The following OR5H1 variants were observed in gnomAD, a reference collection of about 807,000 sequenced individuals.
The protein encoded by OR5H1 is olfactory receptor family 5 subfamily H member 1, also known as olfactory receptor 5H1.
For synonymous variants in OR5H1, 124 were observed against 134.4 expected (o/e 0.92, Z 0.54); for missense variants, 378 against 366.8 (o/e 1.03, Z -0.25).
chr3:98,131,952 G>A (rs146329495), intron 1 of OR5H1, among the ~76,000 whole-genome samples: 3 of 151,998 alleles, frequency 2.0e-5, no homozygotes, highest in African/African-American at 4.8e-5. Context: ...CTATTTCTTT[G>A]TCTTACTGTC....
chr3:98,136,323 T>G lies in OR5H1; in HGVS notation c.*2684T>G, dbSNP rs1282841999. The stretch of plus-strand genomic sequence containing the variant: ...AAGAAGGCCTCATTACGACCTTTAC[T>G]AAATAATCTCCGATTAGACTTTAAA... On this transcript the variant is annotated 3_prime_UTR_variant, in exon 2 of 2. Coordinates refer to ENST00000641874, the MANE Select transcript of OR5H1 (RefSeq NM_001005338.2). 1 of 152,198 alleles carries G rather than the reference T, an allele frequency of 6.6e-6. No individual in the cohort carries two copies. The highest frequency in any genetic ancestry group is 1.5e-5 in the Non-Finnish European group (1 of 68,032). The allele number at this position is 152,198 out of a possible 1,614,324, so 9.4% of individuals were successfully genotyped here.
rs769749227 is a variant in OR5H1 at position 98,133,286 on chromosome 3, C to G, written c.589C>G (p.Leu197Val). 17 of 1,611,606 alleles carry G rather than the reference C, an allele frequency of 1.1e-5. No individual in the cohort carries two copies. Among genetic ancestry groups the G allele is most frequent in the Non-Finnish European group, 1.3e-5 (15 of 1,178,522 alleles). Residue 197 changes from leucine to valine, a missense_variant, in exon 2 of 2, where the codon CTA becomes GTA. Coordinates refer to ENST00000641874, the MANE Select transcript of OR5H1 (RefSeq NM_001005338.2). ...ISCTDSSINF[L>V]MVFIFSGSIQ... ...TTGTACTGATTCTTCTATTAATTTT[C>G]TAATGGTTTTTATTTTCTCAGGTTC...
chr3:98,131,433 C>T (rs1429341650), intron 1 of OR5H1, among the ~76,000 whole-genome samples: 1 of 151,462 alleles, frequency 6.6e-6, no homozygotes, highest in Non-Finnish European at 1.5e-5. Flanking sequence ...ATTTAATTGG[C>T]CATCCTAGAT....
chr3:98,134,786 C>T lies in OR5H1; in HGVS notation c.*1147C>T, dbSNP rs1004568886. 3 of 152,044 alleles carry T rather than the reference C, an allele frequency of 2.0e-5. No homozygotes were observed. Among genetic ancestry groups the T allele is most frequent in the African/African-American group, 7.2e-5 (3 of 41,440 alleles). The allele number at this position is 152,044 out of a possible 1,614,324, so 9.4% of individuals were successfully genotyped here. On this transcript the variant is annotated 3_prime_UTR_variant, in exon 2 of 2. Coordinates refer to ENST00000641874, the MANE Select transcript of OR5H1 (RefSeq NM_001005338.2). ...ACTATTGAGGTCCCTAGCATAAAAA[C>T]TACTCACATGTAGTTTTGCAAACCT... is the stretch of plus-strand genomic sequence containing the variant.
chr3:98,135,353 T>G lies in OR5H1; in HGVS notation c.*1714T>G, dbSNP rs1708305959. On this transcript the variant is annotated 3_prime_UTR_variant, in exon 2 of 2. Coordinates refer to ENST00000641874, the MANE Select transcript of OR5H1 (RefSeq NM_001005338.2). ...TACCATTTACAATGAGTTGGATTCC[T>G]GTTTGCTTAGGTACAAACCCACTTT... The G allele has an allele frequency of 6.6e-6, 1 of 152,208 alleles. No individual in the cohort carries two copies. Among genetic ancestry groups the G allele is most frequent in the African/African-American group, 2.4e-5 (1 of 41,470 alleles). 9.4% of individuals were successfully genotyped at this position (152,208 alleles called of 1,614,324 possible).
chr3:98,132,901 T>A lies in OR5H1; in HGVS notation c.204T>A (p.Phe68Leu). ...PMYLLLGNLAFVDAWISSTVT... is the reference protein window; with the variant it reads ...PMYLLLGNLALVDAWISSTVT... ...ACTTACTCCTTGGGAATTTAGCTTT[T>A]GTGGATGCTTGGATATCATCCACAG... Residue 68 changes from phenylalanine (F) to leucine (L), a missense_variant, in exon 2 of 2, where the codon TTT (phenylalanine) becomes TTA (leucine). Coordinates refer to ENST00000641874, the MANE Select transcript of OR5H1 (RefSeq NM_001005338.2). The A allele has an allele frequency of 6.2e-7, 1 of 1,613,524 alleles. No individual in the cohort carries two copies. The highest frequency in any genetic ancestry group is 1.7e-4 in the Middle Eastern group (1 of 6,054).
chr3:98,131,948 C>A (rs1202741852), intron 1 of OR5H1, among the ~76,000 whole-genome samples: 1 of 152,026 alleles, frequency 6.6e-6, no homozygotes, highest in Non-Finnish European at 1.5e-5. Context: ...GAATCTATTT[C>A]TTTGTCTTAC....
At position 98,136,249 on chromosome 3, in the gene OR5H1, G is replaced by C. The variant is rs1022965419; in HGVS notation, c.*2610G>C. The C allele has an allele frequency of 5.3e-5, 8 of 152,078 alleles. No homozygotes were observed. The highest frequency in any genetic ancestry group is 8.8e-5 in the Non-Finnish European group (6 of 68,026). 9.4% of individuals were successfully genotyped at this position (152,078 alleles called of 1,614,324 possible). ...GATCTACCCTCATTAAGCTTCAAGT[G>C]AGTATTTACATAAGTGCAAGTTGGA... On this transcript the variant is annotated 3_prime_UTR_variant, in exon 2 of 2. Coordinates refer to ENST00000641874, the MANE Select transcript of OR5H1 (RefSeq NM_001005338.2).
chr3:98,133,131 T>G lies in OR5H1; in HGVS notation c.434T>G (p.Leu145Ter), dbSNP rs1467908282. 4.3e-6 allele frequency: 7 copies of G among 1,613,480 alleles called. No homozygotes were observed. The South Asian group carries it at 7.7e-5, about 18-fold the overall frequency. Residue 145 changes from leucine to a stop codon, truncating the protein, a stop_gained, in exon 2 of 2, where the codon TTA becomes TGA. Transcript: ENST00000641874. LOFTEE classifies it low-confidence loss of function (END_TRUNC). ...IMTNGLCIRL[L>*]ILSYVGGILH... ...ACCAATGGACTGTGCATCCGGCTAT[T>G]AATCTTGTCATATGTAGGTGGTATT...
chr3:98,135,580 T>G lies in OR5H1; in HGVS notation c.*1941T>G, dbSNP rs1336275494. 6.6e-6 allele frequency: 1 copy of G among 152,146 alleles called. No individual in the cohort carries two copies. Among genetic ancestry groups the G allele is most frequent in the African/African-American group, 2.4e-5 (1 of 41,442 alleles). The allele number at this position is 152,146 out of a possible 1,614,324, so 9.4% of individuals were successfully genotyped here. On this transcript the variant is annotated 3_prime_UTR_variant, in exon 2 of 2. Coordinates refer to ENST00000641874, the MANE Select transcript of OR5H1 (RefSeq NM_001005338.2). ...CAGAAGTGTTTCTTTTATGGACACT[T>G]CGTTTTTGTTATTCTAATCATAGTG...
rs373250876 is a variant in OR5H1, at chr3:98,134,659, T to C, written c.*1020T>C. ...CTCGGAAAGTCATTGATTGTTAACC[T>C]TCTTAACACTTCTTGTACTTCAAGT... On this transcript the variant is annotated 3_prime_UTR_variant, in exon 2 of 2. Coordinates refer to ENST00000641874, the MANE Select transcript of OR5H1 (RefSeq NM_001005338.2). 3.3e-5 allele frequency: 5 copies of C among 152,258 alleles called. No individual in the cohort carries two copies. The highest frequency in any genetic ancestry group is 9.6e-5 in the African/African-American group (4 of 41,574). The allele number at this position is 152,258 out of a possible 1,614,324, so 9.4% of individuals were successfully genotyped here. A position where few individuals can be genotyped will look rare whatever the true frequency, so the allele number is the denominator to read the frequency against.
rs1227392117 is a variant in OR5H1, at chr3:98,133,928, T to C, written c.*289T>C. 1.7e-5 allele frequency: 5 copies of C among 287,480 alleles called. No individual in the cohort carries two copies. Among genetic ancestry groups the C allele is most frequent in the African/African-American group, 1.1e-4 (5 of 44,824 alleles). 17.8% of individuals were successfully genotyped at this position (287,480 alleles called of 1,614,324 possible). A position where few individuals can be genotyped will look rare whatever the true frequency, so the allele number is the denominator to read the frequency against. ...TTTATAAATGCATTAATTGCTAAAATAGCCTAGTTTATCATATAAGGACTT... is the reference window on the plus strand; with the variant it reads ...TTTATAAATGCATTAATTGCTAAAACAGCCTAGTTTATCATATAAGGACTT... On this transcript the variant is annotated 3_prime_UTR_variant, in exon 2 of 2. Coordinates refer to ENST00000641874, the MANE Select transcript of OR5H1 (RefSeq NM_001005338.2).
Position 98,136,198 on chromosome 3 carries a change from A to C in OR5H1, c.*2559A>C, listed in dbSNP as rs538556589. The C allele has an allele frequency of 1.3e-5, 2 of 151,994 alleles. No individual in the cohort carries two copies. Among genetic ancestry groups the C allele is most frequent in the East Asian group, 3.9e-4 (2 of 5,178 alleles). The allele number at this position is 151,994 out of a possible 1,614,324, so 9.4% of individuals were successfully genotyped here. ...GGCCATTTCTTTCAAATGTAATTAT[A>C]GTAAGACTAATTTATTTACCAACTA... On this transcript the variant is annotated 3_prime_UTR_variant, in exon 2 of 2. Coordinates refer to ENST00000641874, the MANE Select transcript of OR5H1 (RefSeq NM_001005338.2).
chr3:98,131,791 C>G (rs1206338749), intron 1 of OR5H1, among the ~76,000 whole-genome samples: 1 of 151,952 alleles, frequency 6.6e-6, no homozygotes, highest in Non-Finnish European at 1.5e-5. Flanking sequence ...ATGATGCTCA[C>G]TCCAAAAACT....
intron 1 of OR5H1, among the ~76,000 whole-genome samples, chr3:98,131,703 C>T (rs1415714219): frequency 6.6e-6 from 1 of 151,958 alleles, no homozygotes; most frequent in African/African-American, 2.4e-5. Flanking sequence ...CTTTGACTAC[C>T]ACAATGAATC....
Position 98,133,689 on chromosome 3 carries a change from G to A in OR5H1, c.*50G>A, listed in dbSNP as rs1050742821. The A allele has an allele frequency of 6.9e-7, 1 of 1,449,750 alleles. No homozygotes were observed. Among genetic ancestry groups the A allele is most frequent in the Non-Finnish European group, 9.5e-7 (1 of 1,050,416 alleles). The allele number at this position is 1,449,750 out of a possible 1,614,324, so 89.8% of individuals were successfully genotyped here. On this transcript the variant is annotated 3_prime_UTR_variant, in exon 2 of 2. Coordinates refer to ENST00000641874, the MANE Select transcript of OR5H1 (RefSeq NM_001005338.2). ...AGTCACAAAATTATGCAAGTTAGAG[G>A]TACCTATGTTGTTTCCAGTGTTCAA...
At position 98,138,019 on chromosome 3, in the gene OR5H1, C is replaced by G. The variant is rs1016817438; in HGVS notation, c.*4380C>G. ...GTTTATGTCAGTGTAGCAGGACGAG[C>G]CGTGGGCAAAACCCCTCAGACACCG... is the stretch of plus-strand genomic sequence containing the variant. On this transcript the variant is annotated 3_prime_UTR_variant, in exon 2 of 2. Coordinates refer to ENST00000641874, the MANE Select transcript of OR5H1 (RefSeq NM_001005338.2). The G allele has an allele frequency of 1.2e-4, 18 of 151,952 alleles. No individual in the cohort carries two copies. The highest frequency in any genetic ancestry group is 1.1e-3 in the Admixed American group (17 of 15,248). The allele number at this position is 151,952 out of a possible 1,614,324, so 9.4% of individuals were successfully genotyped here. A position where few individuals can be genotyped will look rare whatever the true frequency, so the allele number is the denominator to read the frequency against.
At position 98,138,170 on chromosome 3, in the gene OR5H1, G is replaced by C. The variant is rs1408149749; in HGVS notation, c.*4531G>C. ...CTCACAACTCTAAGGGGGTCCGCGT[G>C]AGAGGGTCGTGATCGATTGAGCAAG... On this transcript the variant is annotated 3_prime_UTR_variant, in exon 2 of 2. Transcript: ENST00000641874. 5 of 152,194 alleles carry C rather than the reference G, an allele frequency of 3.3e-5. No homozygotes were observed. Among genetic ancestry groups the C allele is most frequent in the Non-Finnish European group, 5.9e-5 (4 of 68,026 alleles). The allele number at this position is 152,194 out of a possible 1,614,324, so 9.4% of individuals were successfully genotyped here. A position where few individuals can be genotyped will look rare whatever the true frequency, so the allele number is the denominator to read the frequency against.
rs532572771 is a variant in OR5H1, at chr3:98,135,396, C to A, written c.*1757C>A. 2.6e-5 allele frequency: 4 copies of A among 152,060 alleles called. No individual in the cohort carries two copies. Among genetic ancestry groups the A allele is most frequent in the Admixed American group, 1.3e-4 (2 of 15,234 alleles). 9.4% of individuals were successfully genotyped at this position (152,060 alleles called of 1,614,324 possible). Reference sequence around the variant, plus strand: ...CCCACTTTGCTGGACCCACGTCAGCCTGATATACTTTTATTTAATTATTTT... The same window carrying A: ...CCCACTTTGCTGGACCCACGTCAGCATGATATACTTTTATTTAATTATTTT... On this transcript the variant is annotated 3_prime_UTR_variant, in exon 2 of 2. Transcript: ENST00000641874.
Sources: gnomAD v4.1 joint callset for allele counts (sites outside exome capture counted in the v4.1 genomes callset) on GRCh38, gnomAD v4.1.1 for gene constraint, MANE v1.5 for transcripts, NCBI Gene and HGNC (gene_info 2026-07-23, HGNC 2026-07-21) for gene names.